The following IL1RAPL2 variants were observed in gnomAD, a reference collection of about 807,000 sequenced individuals.
IL1RAPL2 encodes interleukin 1 receptor accessory protein like 2.
In IL1RAPL2, 3 loss-of-function variants were observed where a neutral mutation model predicts 44.1. That is an observed-to-expected ratio of 0.07 (90% CI 0.03 to 0.18). The LOEUF (loss-of-function observed/expected upper bound fraction) is 0.18, where lower values mean the gene tolerates loss of function less well. Ranked by LOEUF, IL1RAPL2 falls within the 10% of genes least tolerant of loss-of-function variation. IL1RAPL2 has a pLI of 1.00. For missense variants in IL1RAPL2, 391 were observed against 496.4 expected, an observed-to-expected ratio of 0.79 and a Z score of 2.02; for synonymous variants, 181 against 178.8, an observed-to-expected ratio of 1.01 and a Z score of -0.10.
At chrX:105,420,985 G>A (rs1819238643) in intron 5 of IL1RAPL2, among the ~76,000 whole-genome samples, 1 of 111,965 alleles carries the variant, frequency 8.9e-6, no homozygotes, top group South Asian at 3.7e-4. Context: ...ATCTAAGACA[G>A]GTCTCAGTTA....
At chrX:105,687,201 G>A (rs763289012) in intron 6 of IL1RAPL2, among the ~76,000 whole-genome samples, 9 of 109,921 alleles carry the variant, frequency 8.2e-5, no homozygotes, top group African/African-American at 3.0e-4. Context: ...AAAGCTAGCA[G>A]AAGGCAAGAA....
At chrX:105,710,841 CT>C (rs1186687634) in intron 6 of IL1RAPL2, among the ~76,000 whole-genome samples, 2 of 108,133 alleles carry the variant, frequency 1.8e-5, no homozygotes, top group African/African-American at 3.4e-5. Context: ...ACAACATTGG[CT>C]GCAAGTGGGT....
chrX:104,896,887 C>T (rs1268184705), intron 2 of IL1RAPL2, among the ~76,000 whole-genome samples: 2 of 111,417 alleles, frequency 1.8e-5, no homozygotes, highest in Admixed American at 1.9e-4. Context: ...GAATAAACAA[C>T]TCCGGATGCC....
At chrX:105,200,244 C>T (rs1772091401) in intron 3 of IL1RAPL2, among the ~76,000 whole-genome samples, 1 of 112,288 alleles carries the variant, frequency 8.9e-6, no homozygotes, top group Admixed American at 9.4e-5. Context: ...TAGTAATATT[C>T]TCCACCCATG....
At chrX:104,695,045 G>A (rs1931154287) in intron 2 of IL1RAPL2, among the ~76,000 whole-genome samples, 1 of 112,070 alleles carries the variant, frequency 8.9e-6, no homozygotes, top group South Asian at 3.8e-4. Flanking sequence ...CCATTGATGT[G>A]TCTTGGTCTG....
chrX:105,198,835 G>A (rs2033692507), intron 3 of IL1RAPL2, among the ~76,000 whole-genome samples: 2 of 111,514 alleles, frequency 1.8e-5, no homozygotes, highest in South Asian at 3.7e-4. Context: ...TGGTTAGACT[G>A]GGGTAATATG....
Position 104,834,838 on chromosome X carries a change from C to T in IL1RAPL2, c.82+175843C>T, listed in dbSNP as rs139692603. ...TTATTGCTGCAACTCCCTTCCCTCACCCAACAAGAAAAAGCAAGCTGCTTC... is the reference window on the plus strand; with the variant it reads ...TTATTGCTGCAACTCCCTTCCCTCATCCAACAAGAAAAAGCAAGCTGCTTC... On this transcript the variant is annotated intron_variant, in intron 2 of 10. Coordinates refer to ENST00000372582, the MANE Select transcript of IL1RAPL2 (RefSeq NM_017416.2). Among the ~76,000 whole-genome samples, 716 of 111,664 alleles carry T rather than the reference C, an allele frequency of 6.4e-3. 3 individuals are homozygous for T. Among genetic ancestry groups the T allele is most frequent in the African/African-American group, 0.022 (682 of 30,753 alleles).
intron 2 of IL1RAPL2, among the ~76,000 whole-genome samples, chrX:104,828,732 G>GC (rs1921529652): frequency 8.9e-6 from 1 of 112,474 alleles, no homozygotes; most frequent in East Asian, 2.8e-4. Flanking sequence ...GCCCACAGCC[G>GC]CCCCCTCCCC....
At chrX:105,434,431 T>C (rs1298667688) in intron 5 of IL1RAPL2, among the ~76,000 whole-genome samples, 1 of 112,254 alleles carries the variant, frequency 8.9e-6, no homozygotes, top group Non-Finnish European at 1.9e-5. Flanking sequence ...TATTCATAAT[T>C]GCCAAAAACT....
chrX:104,802,780 C>A (rs370044628), intron 2 of IL1RAPL2, among the ~76,000 whole-genome samples: 1 of 111,444 alleles, frequency 9.0e-6, no homozygotes, highest in African/African-American at 3.3e-5. Context: ...AGCAGCTAGG[C>A]AAAAGTTTGA....
chrX:105,253,462 T>C (rs974508740), intron 4 of IL1RAPL2, among the ~76,000 whole-genome samples: 1 of 111,741 alleles, frequency 8.9e-6, no homozygotes, highest in Admixed American at 9.6e-5. Context: ...TTACATGATG[T>C]CTACTTTTTC....
intron 1 of IL1RAPL2, among the ~76,000 whole-genome samples, chrX:104,634,792 A>T (rs868641669): frequency 8.1e-5 from 9 of 111,648 alleles, no homozygotes; most frequent in African/African-American, 2.3e-4. Flanking sequence ...TCTTGACTCT[A>T]TCCAATTTGC....
At chrX:105,181,791 G>A (rs907227004) in intron 2 of IL1RAPL2, among the ~76,000 whole-genome samples, 4 of 111,429 alleles carry the variant, frequency 3.6e-5, no homozygotes, top group Admixed American at 9.6e-5. Context: ...CTGGCTGGGC[G>A]CAGTGGCTCA....
At chrX:104,694,316 A>G (rs1221629959) in intron 2 of IL1RAPL2, among the ~76,000 whole-genome samples, 2 of 111,875 alleles carry the variant, frequency 1.8e-5, no homozygotes, top group Non-Finnish European at 1.9e-5. Context: ...ACTTAGAACT[A>G]TATCCCCCAC....
chrX:104,790,063 C>T (rs1310907884), intron 2 of IL1RAPL2, among the ~76,000 whole-genome samples: 2 of 112,277 alleles, frequency 1.8e-5, no homozygotes, highest in Admixed American at 9.4e-5. Flanking sequence ...GAAGCTGGCA[C>T]TCTGCAGAAT....
At chrX:105,429,599 T>C (rs911484481) in intron 5 of IL1RAPL2, among the ~76,000 whole-genome samples, 8 of 111,908 alleles carry the variant, frequency 7.1e-5, no homozygotes, top group African/African-American at 2.6e-4. Flanking sequence ...CAGACTATGT[T>C]TGGCAAACAA....
chrX:104,791,021 G>A (rs1932822966), intron 2 of IL1RAPL2, among the ~76,000 whole-genome samples: 1 of 111,612 alleles, frequency 9.0e-6, no homozygotes, highest in Admixed American at 9.5e-5. Flanking sequence ...CCTATGAGAT[G>A]GGTACTACTA....
intron 6 of IL1RAPL2, among the ~76,000 whole-genome samples, chrX:105,527,492 G>A (rs1452133514): frequency 9.3e-6 from 1 of 107,549 alleles, no homozygotes; most frequent in Non-Finnish European, 1.9e-5. Context: ...AAATAGTTTA[G>A]GGATTTTAAT....
intron 1 of IL1RAPL2, among the ~76,000 whole-genome samples, chrX:104,637,684 C>T (rs1179584446): frequency 1.8e-5 from 2 of 110,536 alleles, no homozygotes; most frequent in Non-Finnish European, 3.8e-5. Flanking sequence ...GATGTATTAT[C>T]TTCTTGATGT....
Sources: gnomAD v4.1 joint callset for allele counts (sites outside exome capture counted in the v4.1 genomes callset) on GRCh38, gnomAD v4.1.1 for gene constraint, MANE v1.5 for transcripts, NCBI Gene and HGNC (gene_info 2026-07-23, HGNC 2026-07-21) for gene names.